The following RAD51B variants were observed in gnomAD, a reference collection of about 807,000 sequenced individuals.
RAD51B encodes the protein DNA repair protein RAD51 homolog 2.
A neutral mutation model predicts 42.2 loss-of-function variants in RAD51B; 38 were observed. The observed-to-expected ratio is 0.90, with a 90% confidence interval of 0.70 to 1.18. The LOEUF is 1.18. Among genes scored for constraint, RAD51B ranks in the 50% most tolerant of loss-of-function variants. RAD51B has a pLI of 0.00. For missense variants in RAD51B, 373 were observed against 400.7 expected (o/e 0.93, Z 0.59); for synonymous variants, 154 against 145.2 (o/e 1.06, Z -0.43).
At chr14:68,581,199 A>C (rs1348483507) in intron 10 of RAD51B, among the ~76,000 whole-genome samples, 1 of 152,172 alleles carries the variant, frequency 6.6e-6, no homozygotes, top group Non-Finnish European at 1.5e-5. Flanking sequence ...ATGATGGTGC[A>C]AAAGTGATAG....
At chr14:68,444,167 T>A (rs1346605209) in intron 9 of RAD51B, among the ~76,000 whole-genome samples, 4 of 152,228 alleles carry the variant, frequency 2.6e-5, no homozygotes, top group African/African-American at 9.6e-5. Context: ...ACTGCCTCCC[T>A]GTCATGCCAG....
At chr14:68,444,995 G>A (rs562572967) in intron 9 of RAD51B, among the ~76,000 whole-genome samples, 27 of 152,242 alleles carry the variant, frequency 1.8e-4, no homozygotes, top group African/African-American at 4.6e-4. Context: ...GTGGGTCCTC[G>A]GGGAGCTCTC....
intron 9 of RAD51B, among the ~76,000 whole-genome samples, chr14:68,426,515 A>G (rs2084855398): frequency 6.6e-6 from 1 of 152,228 alleles, no homozygotes; most frequent in Non-Finnish European, 1.5e-5. Flanking sequence ...TGAAAAGCAG[A>G]ATTTAAGAGC....
intron 7 of RAD51B, among the ~76,000 whole-genome samples, chr14:68,176,056 G>A (rs1425857440): frequency 5.9e-5 from 9 of 152,118 alleles, no homozygotes; most frequent in Admixed American, 5.9e-4. Context: ...GCTATAATAG[G>A]CAGGATCCTC....
intron 8 of RAD51B, among the ~76,000 whole-genome samples, chr14:68,318,652 G>A (rs1310141276): frequency 2.6e-5 from 4 of 152,246 alleles, no homozygotes; most frequent in South Asian, 4.1e-4. Flanking sequence ...ATGACATGGC[G>A]GACCTCCCTC....
At chr14:67,863,740 T>C (rs1378426621) in intron 4 of RAD51B, among the ~76,000 whole-genome samples, 1 of 152,188 alleles carries the variant, frequency 6.6e-6, no homozygotes, top group Non-Finnish European at 1.5e-5. Flanking sequence ...ATGTGACAAA[T>C]AGCATGTGTT....
intron 7 of RAD51B, among the ~76,000 whole-genome samples, chr14:68,248,493 T>C (rs1298918916): frequency 6.6e-6 from 1 of 152,206 alleles, no homozygotes; most frequent in Non-Finnish European, 1.5e-5. Flanking sequence ...AAATGCAGTT[T>C]AGTGAAGTTC....
At position 68,411,463 on chromosome 14, in the gene RAD51B, A is replaced by G. The variant is rs375352304; in HGVS notation, c.893A>G (p.Asn298Ser). Residue 298 changes from asparagine (N) to serine (S), a missense_variant, in exon 9 of 11, where the codon AAT becomes AGT. Coordinates refer to ENST00000471583, the MANE Select transcript of RAD51B (RefSeq NM_133510.4). ...AGCTGTGTGATAGCCGCACTAGGAA[A>G]TACCTGGAGTCACAGTGTGAATACC... ...GSSCVIAALG[N>S]TWSHSVNTRL... The G allele has an allele frequency of 1.8e-5, 29 of 1,614,054 alleles. No individual in the cohort carries two copies. Among genetic ancestry groups the G allele is most frequent in the Non-Finnish European group, 2.4e-5 (28 of 1,180,008 alleles).
intron 4 of RAD51B, among the ~76,000 whole-genome samples, chr14:67,847,335 T>C (rs1404798807): frequency 1.3e-5 from 2 of 148,832 alleles, no homozygotes; most frequent in Non-Finnish European, 3.0e-5. Context: ...TCTTTTTTTT[T>C]TTTTTTTTTT....
chr14:68,339,305 T>G, intron 8 of RAD51B: 1 of 896,314 alleles, frequency 1.1e-6, no homozygotes. Flanking sequence ...CAGGAGGCAC[T>G]TACATCCACT....
chr14:68,146,665 A>AACACGT (rs2078256109), intron 7 of RAD51B, among the ~76,000 whole-genome samples: 1 of 152,224 alleles, frequency 6.6e-6, no homozygotes, highest in South Asian at 2.1e-4. Flanking sequence ...CTATGTACCT[A>AACACGT]ACACGTAGTG....
At chr14:68,476,813 G>A (rs964093530) in intron 10 of RAD51B, among the ~76,000 whole-genome samples, 1 of 152,188 alleles carries the variant, frequency 6.6e-6, no homozygotes, top group African/African-American at 2.4e-5. Context: ...TCTACCTACT[G>A]GGGTGTCTGT....
chr14:67,878,864 A>G (rs1566938131), intron 5 of RAD51B, among the ~76,000 whole-genome samples: 1 of 151,938 alleles, frequency 6.6e-6, no homozygotes, highest in African/African-American at 2.4e-5. Context: ...TGCGCCTGCC[A>G]CCATGCCTGG....
rs1278908922 is a variant in RAD51B, at chr14:68,195,908, C to CAA, written c.757-95960_757-95959dup. On this transcript the variant is annotated intron_variant, in intron 7 of 10. Coordinates refer to ENST00000471583, the MANE Select transcript of RAD51B (RefSeq NM_133510.4). ...GGGCCACAAGAGCAGAGCTCTGTTTCAAAAAAAAAAAAAAAAACAACAATT... is the reference window on the plus strand; with the variant it reads ...GGGCCACAAGAGCAGAGCTCTGTTTCAAAAAAAAAAAAAAAAAAACAACAATT... Among the ~76,000 whole-genome samples, 134 of 23,646 alleles carry CAA rather than the reference C, an allele frequency of 5.7e-3. 1 individual carries two copies. Among genetic ancestry groups the CAA allele is most frequent in the Non-Finnish European group, 8.3e-3 (96 of 11,574 alleles). 15.5% of individuals were successfully genotyped at this position (23,646 alleles called of 152,430 possible).
chr14:68,157,023 G>T (rs916713013), intron 7 of RAD51B, among the ~76,000 whole-genome samples: 2 of 151,902 alleles, frequency 1.3e-5, no homozygotes, highest in South Asian at 4.2e-4. Flanking sequence ...ATGGTGAAAC[G>T]CTGTCTCTAC....
intron 7 of RAD51B, among the ~76,000 whole-genome samples, chr14:68,223,704 G>A (rs777095670): frequency 5.7e-4 from 86 of 152,058 alleles, no homozygotes; most frequent in Non-Finnish European, 1.1e-3. Flanking sequence ...GGAAAGAAAA[G>A]AAAATCCTAC....
At chr14:68,288,241 T>C (rs1270616630) in intron 7 of RAD51B, among the ~76,000 whole-genome samples, 1 of 152,230 alleles carries the variant, frequency 6.6e-6, no homozygotes, top group Non-Finnish European at 1.5e-5. Context: ...TTGTGATGAT[T>C]GTAATCAATG....
At chr14:68,636,799 CA>C (rs1284620930) in intron 10 of RAD51B, among the ~76,000 whole-genome samples, 1 of 152,206 alleles carries the variant, frequency 6.6e-6, no homozygotes, top group South Asian at 2.1e-4. Flanking sequence ...TAAACACATA[CA>C]AGAGCAGGCT....
At chr14:68,541,717 CAA>C in intron 10 of RAD51B, 1 of 985,402 alleles carries the variant, frequency 1.0e-6, no homozygotes, top group African/African-American at 1.7e-5. Flanking sequence ...AAAAAGCTGG[CAA>C]AGTGGAATTT....
Sources: gnomAD v4.1 joint callset for allele counts (sites outside exome capture counted in the v4.1 genomes callset) on GRCh38, gnomAD v4.1.1 for gene constraint, MANE v1.5 for transcripts, NCBI Gene and HGNC (gene_info 2026-07-23, HGNC 2026-07-21) for gene names.